Variants in ANK3 observed in about 807,000 individuals in gnomAD.
ANK3 encodes ankyrin 3, also known as ankyrin-3.
ANK3 carries 57 observed loss-of-function variants against 370.9 expected under a neutral mutation model. The observed-to-expected ratio is 0.15, with a 90% confidence interval of 0.12 to 0.19. The LOEUF (loss-of-function observed/expected upper bound fraction) is 0.19, where lower values mean the gene tolerates loss of function less well. Ranked by LOEUF, ANK3 falls within the 10% of genes least tolerant of loss-of-function variation. ANK3 has a pLI of 1.00. For synonymous variants in ANK3, 1,929 were observed against 1,946.3 expected (o/e 0.99, Z 0.23); for missense variants, 4,439 against 5,302.1 (o/e 0.84, Z 5.06).
chr10:60,573,515 C>T (rs983520195), intron 2 of ANK3, among the ~76,000 whole-genome samples: 40 of 152,166 alleles, frequency 2.6e-4, no homozygotes, highest in African/African-American at 9.2e-4. Context: ...CACTCCCCAG[C>T]TGCCCTGGCC....
intron 41 of ANK3, among the ~76,000 whole-genome samples, chr10:60,057,394 C>T (rs1164676938): frequency 1.3e-5 from 2 of 152,058 alleles, no homozygotes; most frequent in African/African-American, 2.4e-5. Context: ...ATAACTAGTA[C>T]AATGCTTTAT....
chr10:60,703,266 A>G (rs2079569209), intron 1 of ANK3, among the ~76,000 whole-genome samples: 1 of 152,240 alleles, frequency 6.6e-6, no homozygotes, highest in South Asian at 2.1e-4. Context: ...CTGAAGATTT[A>G]GGTATTGTAA....
intron 2 of ANK3, among the ~76,000 whole-genome samples, chr10:60,395,296 T>TG (rs1472724125): frequency 6.6e-6 from 1 of 152,318 alleles, no homozygotes; most frequent in Admixed American, 6.5e-5. Flanking sequence ...GTTGAAATAA[T>TG]ATTTGGGATG....
chr10:60,153,713 A>G (rs1186301024), intron 23 of ANK3, among the ~76,000 whole-genome samples: 3 of 152,204 alleles, frequency 2.0e-5, no homozygotes, highest in Admixed American at 1.3e-4. Context: ...GCTTTAGAAT[A>G]AAGGCCCTTG....
chr10:60,457,403 C>T (rs1204593761), intron 2 of ANK3, among the ~76,000 whole-genome samples: 1 of 152,128 alleles, frequency 6.6e-6, no homozygotes, highest in African/African-American at 2.4e-5. Flanking sequence ...AAGATAAAGG[C>T]TCTGCCAGTT....
intron 2 of ANK3, among the ~76,000 whole-genome samples, chr10:60,429,694 A>G (rs2063970456): frequency 6.6e-6 from 1 of 152,212 alleles, no homozygotes; most frequent in Non-Finnish European, 1.5e-5. Flanking sequence ...GCTTCTCCAC[A>G]GTTCAGGTGC....
intron 2 of ANK3, among the ~76,000 whole-genome samples, chr10:60,424,059 T>C (rs1336513049): frequency 6.6e-6 from 1 of 152,076 alleles, no homozygotes; most frequent in South Asian, 2.1e-4. Context: ...GTCAGCACTT[T>C]GCTATGCTAT....
chr10:60,266,149 C>T (rs1044116819), intron 5 of ANK3, among the ~76,000 whole-genome samples: 5 of 152,050 alleles, frequency 3.3e-5, no homozygotes, highest in African/African-American at 1.2e-4. Flanking sequence ...CAGGGAAAGA[C>T]TAGATACATC....
Position 60,173,073 on chromosome 10 carries a change from A to G in ANK3, c.2283+15T>C. The G allele has an allele frequency of 6.2e-7, 1 of 1,611,708 alleles. No individual in the cohort carries two copies. ...ATAAATGATTCTGGCAGAAACAAAAAAGGAAGGAGCTTACCTTTGTTTTGG... is the reference window on the plus strand; with the variant it reads ...ATAAATGATTCTGGCAGAAACAAAAGAGGAAGGAGCTTACCTTTGTTTTGG... On this transcript the variant is annotated intron_variant, in intron 19 of 43. Transcript: ENST00000280772.
intron 2 of ANK3, among the ~76,000 whole-genome samples, chr10:60,406,562 G>A (rs1330887580): frequency 6.6e-6 from 1 of 152,218 alleles, no homozygotes; most frequent in Non-Finnish European, 1.5e-5. Flanking sequence ...CTGACAGGAG[G>A]TGAAGCATAG....
intron 2 of ANK3, among the ~76,000 whole-genome samples, chr10:60,435,641 C>T (rs2064136826): frequency 6.6e-6 from 1 of 152,126 alleles, no homozygotes; most frequent in Non-Finnish European, 1.5e-5. Flanking sequence ...CCCAAAAAAC[C>T]TCATGCCCAT....
At chr10:60,441,809 T>C (rs2064305877) in intron 2 of ANK3, among the ~76,000 whole-genome samples, 1 of 152,180 alleles carries the variant, frequency 6.6e-6, no homozygotes. Flanking sequence ...GTATTTATCA[T>C]AATTTGCTTA....
chr10:60,614,178 ATAGT>A (rs2078238185), intron 2 of ANK3, among the ~76,000 whole-genome samples: 2 of 152,354 alleles, frequency 1.3e-5, no homozygotes, highest in Non-Finnish European at 1.5e-5. Flanking sequence ...AAGTTAATTA[ATAGT>A]TAGTTTAATC....
intron 12 of ANK3, among the ~76,000 whole-genome samples, chr10:60,201,472 A>T (rs1015265216): frequency 1.3e-5 from 2 of 152,188 alleles, no homozygotes; most frequent in Non-Finnish European, 1.5e-5. Context: ...TGCTAATATT[A>T]TGATGTCAAA....
intron 13 of ANK3, among the ~76,000 whole-genome samples, chr10:60,199,024 C>G (rs1386122306): frequency 6.6e-6 from 1 of 152,046 alleles, no homozygotes; most frequent in African/African-American, 2.4e-5. Flanking sequence ...GCAAAGGCTC[C>G]CAGCTGAAGG....
At position 60,073,209 on chromosome 10, in the gene ANK3, G is replaced by A. The variant is rs375600068; in HGVS notation, c.7672C>T (p.Arg2558Cys). The change falls in exon 37 of 44, where the codon CGC (arginine) becomes TGC (cysteine). Residue 2558 changes from arginine (R) to cysteine (C), a missense_variant. Physicochemically the swap from Arg to Cys is radical, Grantham distance 180 (BLOSUM62 -3). Transcript: ENST00000280772. ...CTGTCTAATCTGTCCTCAGTAAAGC[G>A]CATCCACATGGCATGTTTTGGACTA... Reference protein sequence around the residue: ...VSSPKHAMWMRFTEDRLDRGR... With the variant: ...VSSPKHAMWMCFTEDRLDRGR... 1.4e-4 allele frequency: 231 copies of A among 1,614,036 alleles called. 1 individual carries two copies. Among genetic ancestry groups the A allele is most frequent in the South Asian group, 6.0e-4 (55 of 91,080 alleles).
chr10:60,733,295 G>T, exon 1 of ANK3: 1 of 1,238,300 alleles, frequency 8.1e-7, no homozygotes, highest in South Asian at 4.0e-5. Context: ...GTGCCCGCGG[G>T]AGAGGAGGAG....
At chr10:60,043,648 A>T (rs780990212) in intron 42 of ANK3, 4 of 985,440 alleles carry the variant, frequency 4.1e-6, no homozygotes, top group African/African-American at 1.7e-5. Context: ...CGATGTGCAG[A>T]TCTTGAACTG....
chr10:60,727,799 T>A (rs1228398568), intron 1 of ANK3, among the ~76,000 whole-genome samples: 3 of 152,026 alleles, frequency 2.0e-5, no homozygotes, highest in Non-Finnish European at 4.4e-5. Context: ...CCTAATCAAC[T>A]ATTCTCAGTG....
Sources: allele counts gnomAD v4.1 joint callset (sites outside exome capture counted in the v4.1 genomes callset), GRCh38; gene constraint gnomAD v4.1.1; transcripts MANE v1.5; gene names NCBI Gene and HGNC (gene_info 2026-07-23, HGNC 2026-07-21).